The following TOR1A variants were observed in gnomAD, a reference collection of about 807,000 sequenced individuals.
TOR1A encodes torsin family 1 member A.
In TOR1A, 18 loss-of-function variants were observed where a neutral mutation model predicts 31.4. That is an observed-to-expected ratio of 0.57 (90% CI 0.40 to 0.85). TOR1A has a LOEUF of 0.85. Among genes scored for constraint, TOR1A ranks in the 40% least tolerant of loss-of-function variants. The pLI, the probability that TOR1A is intolerant of heterozygous loss-of-function variation, is 0.00. For synonymous variants in TOR1A, 168 were observed against 165.9 expected, an observed-to-expected ratio of 1.01 and a Z score of -0.10; for missense variants, 375 against 416.4, an observed-to-expected ratio of 0.90 and a Z score of 0.87.
rs1274159122 is a variant in TOR1A at position 129,813,774 on chromosome 9, G to A, written c.*198C>T. The A allele has an allele frequency of 4.7e-5, 35 of 739,416 alleles. No individual in the cohort carries two copies. Among genetic ancestry groups the A allele is most frequent in the South Asian group, 3.7e-4 (22 of 59,548 alleles). The allele number at this position is 739,416 out of a possible 1,614,324, so 45.8% of individuals were successfully genotyped here. A position where few individuals can be genotyped will look rare whatever the true frequency, so the allele number is the denominator to read the frequency against. On this transcript the variant is annotated 3_prime_UTR_variant, in exon 5 of 5. Transcript: ENST00000351698. ...TCTGTGCGTGTTCGGGAGGCTTCAC[G>A]TCCTCGCCCGTGGTCCCTGGGTGGC... is the stretch of plus-strand genomic sequence containing the variant.
At chr9:129,819,023 C>A in intron 2 of TOR1A, 103 bp from the exon 3 acceptor site, 1 of 1,320,230 alleles carries the variant, frequency 7.6e-7, no homozygotes. Flanking sequence ...GACCACTGTG[C>A]ACTCGGCACT....
chr9:129,821,960 T>C (rs1260649561), intron 2 of TOR1A: 2 of 166,966 alleles, frequency 1.2e-5, no homozygotes, highest in Non-Finnish European at 2.6e-5. Context: ...ACATGTTTCC[T>C]CTTTCACAAA....
intron 3 of TOR1A, 34 bp downstream of exon 3, chr9:129,818,711 G>A (rs762622148): frequency 4.3e-6 from 7 of 1,613,846 alleles, no homozygotes; most frequent in Middle Eastern, 1.6e-4. Flanking sequence ...CTTGGGCTCG[G>A]GGCCCATCCA....
chr9:129,816,005 A>G (rs11787741), intron 4 of TOR1A, among the ~76,000 whole-genome samples: 25,558 of 151,926 alleles, frequency 0.17, 2,592 homozygotes, highest in Non-Finnish European at 0.22. Context: ...CCACCTGCCC[A>G]GGACCCTCCA....
chr9:129,823,921 G>T lies in TOR1A; in HGVS notation c.165C>A (p.Ser55Arg). 1 of 1,600,956 alleles carries T rather than the reference G, an allele frequency of 6.2e-7. No individual in the cohort carries two copies. The highest frequency in any genetic ancestry group is 8.5e-7 in the Non-Finnish European group (1 of 1,175,104). Reference protein sequence around the residue: ...LFAECCGQKRSLSREALQKDL... With the variant: ...LFAECCGQKRRLSREALQKDL... ...GCCCCAGCCTACCCTCCCGGCTAAGGCTCCGCTTCTGCCCGCAGCACTCGG... is the reference window on the plus strand; with the variant it reads ...GCCCCAGCCTACCCTCCCGGCTAAGTCTCCGCTTCTGCCCGCAGCACTCGG... The change falls in exon 1 of 5, where the codon AGC (serine) becomes AGA (arginine). Residue 55 changes from serine to arginine, a missense_variant. By Grantham distance (110) the Ser-to-Arg change is moderately radical. Coordinates refer to ENST00000351698, the MANE Select transcript of TOR1A (RefSeq NM_000113.3).
chr9:129,813,781 C>A lies in TOR1A; in HGVS notation c.*191G>T, dbSNP rs1182. 160,133 of 797,746 alleles carry A rather than the reference C, an allele frequency of 0.2. 17,288 individuals are homozygous for A. Among genetic ancestry groups the A allele is most frequent in the East Asian group, 0.23 (8,688 of 37,336 alleles). 49.4% of individuals were successfully genotyped at this position (797,746 alleles called of 1,614,324 possible). On this transcript the variant is annotated 3_prime_UTR_variant, in exon 5 of 5. Transcript: ENST00000351698. ...GTGTTCGGGAGGCTTCACGTCCTCG[C>A]CCGTGGTCCCTGGGTGGCCTGCAGG...
Position 129,813,752 on chromosome 9 carries a change from G to A in TOR1A, c.*220C>T. ...GGCTGGGAGCTGGCTCCTTCCTTCT[G>A]TGCGTGTTCGGGAGGCTTCACGTCC... On this transcript the variant is annotated 3_prime_UTR_variant, in exon 5 of 5. Coordinates refer to ENST00000351698, the MANE Select transcript of TOR1A (RefSeq NM_000113.3). 4.7e-6 allele frequency: 3 copies of A among 634,694 alleles called. No individual in the cohort carries two copies. The highest frequency in any genetic ancestry group is 8.3e-6 in the Non-Finnish European group (3 of 361,050). 39.3% of individuals were successfully genotyped at this position (634,694 alleles called of 1,614,324 possible).
intron 2 of TOR1A, among the ~76,000 whole-genome samples, chr9:129,820,603 G>A (rs917350464): frequency 6.6e-6 from 1 of 152,072 alleles, no homozygotes; most frequent in African/African-American, 2.4e-5. Flanking sequence ...GTCTAGAATG[G>A]TTCTTGTTTG....
Position 129,814,182 on chromosome 9 carries a change from A to G in TOR1A, c.789T>C (p.Ile263=), listed in dbSNP as rs1421241326. Residue 263 remains isoleucine, a synonymous_variant, in exon 5 of 5, where the codon ATT becomes ATC. Transcript: ENST00000351698. ...GGGGGAGGAAGGGAACAAAATAATC[A>G]ATGAGGTTCCGGTCAATTAAGCTGC... ...WHSSLIDRNL[I]DYFVPFLPLE... The G allele has an allele frequency of 6.2e-7, 1 of 1,614,124 alleles. No individual in the cohort carries two copies. Among genetic ancestry groups the G allele is most frequent in the South Asian group, 1.1e-5 (1 of 91,084 alleles).
chr9:129,822,281 AT>A (rs1400859988), intron 2 of TOR1A: 24 of 416,380 alleles, frequency 5.8e-5, no homozygotes, highest in African/African-American at 4.3e-4. Flanking sequence ...AAAGAAAAAA[AT>A]AAAAAAATGA....
rs2030939599 is a variant in TOR1A, at chr9:129,813,195, C to T, written c.*777G>A. The stretch of plus-strand genomic sequence containing the variant: ...GGCCACCTTTTGCAAAACGGAGTGA[C>T]TGGCAAGTGACAAGTTGGAAATACT... On this transcript the variant is annotated 3_prime_UTR_variant, in exon 5 of 5. Coordinates refer to ENST00000351698, the MANE Select transcript of TOR1A (RefSeq NM_000113.3). 6.6e-6 allele frequency: 1 copy of T among 152,424 alleles called. No homozygotes were observed. Among genetic ancestry groups the T allele is most frequent in the Non-Finnish European group, 1.5e-5 (1 of 68,212 alleles). 9.4% of individuals were successfully genotyped at this position (152,424 alleles called of 1,614,324 possible).
chr9:129,816,459 T>C lies in TOR1A; in HGVS notation c.748+2061A>G, dbSNP rs143034899. 1.3e-3 allele frequency among the ~76,000 whole-genome samples: 194 copies of C among 152,350 alleles called. 2 individuals are homozygous for C. The highest frequency in any genetic ancestry group is 3.4e-3 in the Middle Eastern group (1 of 294). ...CACAAACACATCACACACATCAACA[T>C]ATCTATCCCCCATCATCTGATACAT... On this transcript the variant is annotated intron_variant, in intron 4 of 4. Coordinates refer to ENST00000351698, the MANE Select transcript of TOR1A (RefSeq NM_000113.3).
rs1386779960 is a variant in TOR1A, at chr9:129,824,067, C to A, written c.19G>T (p.Val7Leu). MKLGRAVLGLLLLAPSV... is the reference protein window; with the variant it reads MKLGRALLGLLLLAPSV... ...GGCGCCAGCAGCAGCAGGCCCAGCA[C>A]GGCCCGGCCCAGCTTCATGCCCGGA... is the stretch of plus-strand genomic sequence containing the variant. Residue 7 changes from valine (V) to leucine (L), a missense_variant, in exon 1 of 5, where the codon GTG becomes TTG. By Grantham distance (32) the Val-to-Leu change is conservative. Transcript: ENST00000351698. 1 of 1,593,092 alleles carries A rather than the reference C, an allele frequency of 6.3e-7. No individual in the cohort carries two copies.
chr9:129,815,689 C>T (rs931720360), intron 4 of TOR1A, among the ~76,000 whole-genome samples: 2 of 152,196 alleles, frequency 1.3e-5, no homozygotes, highest in African/African-American at 2.4e-5. Flanking sequence ...CCTGGAGCTT[C>T]GTGGCTCTGC....
At chr9:129,818,952 G>T (rs751722175) in intron 2 of TOR1A, 32 bp from the exon 3 acceptor site, 1 of 1,606,400 alleles carries the variant, frequency 6.2e-7, no homozygotes, top group East Asian at 2.2e-5. Flanking sequence ...CGAACACAAA[G>T]TTCTCAGCCA....
Position 129,812,975 on chromosome 9 carries a change from C to G in TOR1A, c.*997G>C, listed in dbSNP as rs533151187. 1 of 152,160 alleles carries G rather than the reference C, an allele frequency of 6.6e-6. No homozygotes were observed. Among genetic ancestry groups the G allele is most frequent in the Non-Finnish European group, 1.5e-5 (1 of 68,028 alleles). 9.4% of individuals were successfully genotyped at this position (152,160 alleles called of 1,614,324 possible). A position where few individuals can be genotyped will look rare whatever the true frequency, so the allele number is the denominator to read the frequency against. ...GCAAAATTTTATTGTAAAACGGTAG[C>G]CATTTGCATTTATAAAGAAAGACAC... On this transcript the variant is annotated 3_prime_UTR_variant, in exon 5 of 5. Coordinates refer to ENST00000351698, the MANE Select transcript of TOR1A (RefSeq NM_000113.3).
rs573629050 is a variant in TOR1A at position 129,813,548 on chromosome 9, TAAAA to T, written c.*420_*423del. Reference sequence around the variant, plus strand: ...AGTCTATGTAATAATGATGAGAACTTAAAAAAAAACACACACACAAGGCCAACAA... The same window carrying T: ...AGTCTATGTAATAATGATGAGAACTTAAAAACACACACACAAGGCCAACAA... On this transcript the variant is annotated 3_prime_UTR_variant, in exon 5 of 5. Transcript: ENST00000351698. The T allele has an allele frequency of 6.9e-6, 2 of 291,680 alleles. No individual in the cohort carries two copies. The highest frequency in any genetic ancestry group is 4.5e-5 in the African/African-American group (2 of 44,576). The allele number at this position is 291,680 out of a possible 1,614,324, so 18.1% of individuals were successfully genotyped here.
At chr9:129,816,180 G>A (rs967293545) in intron 4 of TOR1A, among the ~76,000 whole-genome samples, 7 of 152,034 alleles carry the variant, frequency 4.6e-5, no homozygotes, top group African/African-American at 1.7e-4. Context: ...GGCCCCCCTC[G>A]GGCCCCTGGA....
At chr9:129,823,712 C>G (rs1314515479) in intron 1 of TOR1A, 196 bp downstream of exon 1, 1 of 341,264 alleles carries the variant, frequency 2.9e-6, no homozygotes, top group Non-Finnish European at 5.4e-6. Flanking sequence ...CAGCCCCAGC[C>G]CCAGCCCCAA....
Sources: gnomAD v4.1 joint callset for allele counts (sites outside exome capture counted in the v4.1 genomes callset) on GRCh38, gnomAD v4.1.1 for gene constraint, MANE v1.5 for transcripts, NCBI Gene and HGNC (gene_info 2026-07-23, HGNC 2026-07-21) for gene names.